Variants in KCNH1 observed in about 807,000 individuals in gnomAD.
KCNH1 encodes the protein voltage-gated delayed rectifier potassium channel KCNH1.
In KCNH1, 27 loss-of-function variants were observed where a neutral mutation model predicts 69.2. The ratio of observed to expected loss-of-function variants is 0.39; its 90% CI spans 0.29 to 0.54. KCNH1 has a LOEUF of 0.54. Among genes scored for constraint, KCNH1 ranks in the 20% least tolerant of loss-of-function variants. KCNH1 has a pLI of 0.68. For missense variants in KCNH1, 798 were observed against 1,261.6 expected (o/e 0.63, Z 5.57); for synonymous variants, 456 against 487.7 (o/e 0.93, Z 0.86).
intron 10 of KCNH1, among the ~76,000 whole-genome samples, chr1:210,701,672 A>G (rs1681784910): frequency 6.6e-6 from 1 of 151,740 alleles, no homozygotes; most frequent in African/African-American, 2.4e-5. Flanking sequence ...CAATAAACCC[A>G]TCATGAATTT....
At chr1:211,087,361 A>T (rs147955961) in intron 4 of KCNH1, among the ~76,000 whole-genome samples, 1 of 152,056 alleles carries the variant, frequency 6.6e-6, no homozygotes, top group Non-Finnish European at 1.5e-5. Context: ...AAGAGGATTG[A>T]CTCATCCTTT....
intron 8 of KCNH1, among the ~76,000 whole-genome samples, chr1:210,802,465 A>G (rs988325803): frequency 5.9e-5 from 9 of 152,202 alleles, no homozygotes; most frequent in Admixed American, 5.2e-4. Context: ...TGGAGAGAAA[A>G]AAGACTTGAT....
At chr1:210,799,108 T>C (rs1427277051) in intron 8 of KCNH1, among the ~76,000 whole-genome samples, 1 of 144,410 alleles carries the variant, frequency 6.9e-6, no homozygotes, top group African/African-American at 2.5e-5. Flanking sequence ...AAGAAAACAA[T>C]AAAAAAAAAA....
chr1:210,907,367 A>T (rs1687123212), intron 7 of KCNH1, among the ~76,000 whole-genome samples: 1 of 152,166 alleles, frequency 6.6e-6, no homozygotes, highest in African/African-American at 2.4e-5. Context: ...GATGGTAGAA[A>T]TGTGATTTCT....
intron 10 of KCNH1, among the ~76,000 whole-genome samples, chr1:210,726,681 G>A (rs1682599013): frequency 6.6e-6 from 1 of 152,184 alleles, no homozygotes; most frequent in Admixed American, 6.6e-5. Flanking sequence ...ATTAAGCAGA[G>A]GGATTTAATA....
intron 6 of KCNH1, among the ~76,000 whole-genome samples, chr1:210,992,826 C>G (rs937793540): frequency 6.6e-6 from 1 of 152,290 alleles, no homozygotes; most frequent in African/African-American, 2.4e-5. Context: ...TTATGCTTTC[C>G]CTTAATGAGA....
intron 7 of KCNH1, among the ~76,000 whole-genome samples, chr1:210,816,325 T>A (rs1684815020): frequency 6.6e-6 from 1 of 152,214 alleles, no homozygotes; most frequent in Admixed American, 6.5e-5. Flanking sequence ...GACAGAAGGT[T>A]ATTTTCAGCT....
intron 6 of KCNH1, among the ~76,000 whole-genome samples, chr1:211,004,032 T>C (rs938740091): frequency 5.9e-5 from 9 of 151,974 alleles, no homozygotes; most frequent in African/African-American, 2.2e-4. Flanking sequence ...GGACGGAGCC[T>C]GCAGTGAGCC....
chr1:211,089,019 G>T (rs1322579201), intron 4 of KCNH1, among the ~76,000 whole-genome samples: 1 of 152,140 alleles, frequency 6.6e-6, no homozygotes, highest in Non-Finnish European at 1.5e-5. Flanking sequence ...GGAGCATTCT[G>T]TTAGGTATGA....
intron 6 of KCNH1, among the ~76,000 whole-genome samples, chr1:211,003,699 G>A (rs931423533): frequency 2.0e-5 from 3 of 152,126 alleles, no homozygotes; most frequent in African/African-American, 7.2e-5. Flanking sequence ...AAAAGCACCA[G>A]AGAAAAAGAA....
At chr1:211,111,119 T>C (rs1691452270) in intron 1 of KCNH1, among the ~76,000 whole-genome samples, 1 of 152,206 alleles carries the variant, frequency 6.6e-6, no homozygotes, top group Admixed American at 6.5e-5. Context: ...TTGATTAAAT[T>C]TTTTACTTAC....
chr1:211,124,757 A>G (rs1691748844), intron 1 of KCNH1, among the ~76,000 whole-genome samples: 1 of 152,232 alleles, frequency 6.6e-6, no homozygotes, highest in Non-Finnish European at 1.5e-5. Context: ...ACTATTTACA[A>G]AGGTGTGGGA....
chr1:210,862,108 T>A (rs4951678), intron 7 of KCNH1: 43,666 of 1,090,128 alleles, frequency 0.04, 3,246 homozygotes, highest in African/African-American at 0.26. Context: ...ATTTTTCAAA[T>A]AGATAACACC....
intron 10 of KCNH1, among the ~76,000 whole-genome samples, chr1:210,715,077 ACT>A (rs1436146875): frequency 2.6e-5 from 4 of 152,106 alleles, no homozygotes; most frequent in African/African-American, 7.2e-5. Context: ...CCACAGGAAG[ACT>A]CTGCCTCAAT....
chr1:210,905,162 T>TA (rs1035115878), intron 7 of KCNH1, among the ~76,000 whole-genome samples: 1 of 152,206 alleles, frequency 6.6e-6, no homozygotes, highest in Non-Finnish European at 1.5e-5. Flanking sequence ...TATCTGCAGT[T>TA]ACGATTTATG....
At chr1:210,831,780 T>C (rs1296908614) in intron 7 of KCNH1, among the ~76,000 whole-genome samples, 1 of 152,194 alleles carries the variant, frequency 6.6e-6, no homozygotes. Flanking sequence ...CTGCACCTTC[T>C]GGAGATACAC....
intron 8 of KCNH1, among the ~76,000 whole-genome samples, chr1:210,801,687 G>A (rs1375971407): frequency 2.0e-5 from 3 of 152,200 alleles, no homozygotes; most frequent in Non-Finnish European, 4.4e-5. Context: ...TGGTGCCTGG[G>A]AAAAGGAGCC....
intron 10 of KCNH1, among the ~76,000 whole-genome samples, chr1:210,768,400 C>A (rs187387788): frequency 7.0e-4 from 107 of 152,304 alleles, no homozygotes; most frequent in Middle Eastern, 3.4e-3. Flanking sequence ...ACATTTTAAA[C>A]CACCAGTCTA....
At chr1:210,859,445 T>A (rs1685927536) in intron 7 of KCNH1, 1 of 1,609,322 alleles carries the variant, frequency 6.2e-7, no homozygotes, top group Non-Finnish European at 8.5e-7. Flanking sequence ...TCATCATCAA[T>A]GATTGTGGAA....
Sources: allele counts gnomAD v4.1 joint callset (sites outside exome capture counted in the v4.1 genomes callset), GRCh38; gene constraint gnomAD v4.1.1; transcripts MANE v1.5; gene names NCBI Gene and HGNC (gene_info 2026-07-23, HGNC 2026-07-21).